PATJ: variants seen among roughly 807,000 people sequenced by gnomAD.
The protein encoded by PATJ is PATJ crumbs cell polarity complex component.
Under a neutral mutation model 224.9 loss-of-function variants are expected in PATJ, and 190 were observed. That is an observed-to-expected ratio of 0.84 (90% CI 0.75 to 0.95). The LOEUF is 0.95. Ranked by LOEUF, PATJ falls within the 40% of genes least tolerant of loss-of-function variation. The pLI, the probability that PATJ is intolerant of heterozygous loss-of-function variation, is 0.00. For synonymous variants in PATJ, 769 were observed against 820.3 expected (o/e 0.94, Z 1.07); for missense variants, 2,121 against 2,270.3 (o/e 0.93, Z 1.34).
intron 26 of PATJ, among the ~76,000 whole-genome samples, chr1:61,922,262 C>T (rs1020779307): frequency 2.0e-5 from 3 of 152,054 alleles, no homozygotes; most frequent in Non-Finnish European, 4.4e-5. Flanking sequence ...CCAGGCTGGT[C>T]TTGAACTCCT....
At chr1:61,878,379 G>A (rs1399323001) in intron 21 of PATJ, among the ~76,000 whole-genome samples, 2 of 152,110 alleles carry the variant, frequency 1.3e-5, no homozygotes, top group Non-Finnish European at 2.9e-5. Flanking sequence ...TGAGACTTCC[G>A]TTAATCCCAC....
At chr1:62,085,371 A>G (rs1659834783) in intron 33 of PATJ, among the ~76,000 whole-genome samples, 1 of 151,912 alleles carries the variant, frequency 6.6e-6, no homozygotes, top group Admixed American at 6.6e-5. Flanking sequence ...AAACAAACAA[A>G]AAACTTTCAT....
chr1:61,777,947 T>A (rs918209986), intron 7 of PATJ, among the ~76,000 whole-genome samples: 8 of 152,146 alleles, frequency 5.3e-5, no homozygotes, highest in African/African-American at 1.9e-4. Flanking sequence ...TGGTGCTATC[T>A]TGGCTGACTG....
chr1:61,748,684 T>C (rs1645159280), intron 1 of PATJ, among the ~76,000 whole-genome samples: 1 of 152,152 alleles, frequency 6.6e-6, no homozygotes, highest in Admixed American at 6.6e-5. Flanking sequence ...CACTAAAATC[T>C]CTGCTACAAT....
chr1:61,797,438 T>C lies in PATJ; in HGVS notation c.1402+10T>C, dbSNP rs1281225223. On this transcript the variant is annotated intron_variant, in intron 11 of 43. Transcript: ENST00000642238. ...CCACCTTCAGACAGAGGTGATTAAT[T>C]TGCCACCCCTCTATCCCTCAAGTAG... The C allele has an allele frequency of 1.2e-6, 2 of 1,606,122 alleles. No homozygotes were observed. The highest frequency in any genetic ancestry group is 1.7e-5 in the Admixed American group (1 of 59,812).
At chr1:62,130,650 G>A (rs1570729720) in intron 41 of PATJ, among the ~76,000 whole-genome samples, 1 of 151,810 alleles carries the variant, frequency 6.6e-6, no homozygotes, top group East Asian at 1.9e-4. Flanking sequence ...AAGAGATTGA[G>A]ACCATCCTGG....
intron 30 of PATJ, among the ~76,000 whole-genome samples, chr1:62,047,068 C>T (rs1019441565): frequency 2.0e-5 from 3 of 152,156 alleles, no homozygotes; most frequent in African/African-American, 4.8e-5. Flanking sequence ...AAAGGTTCCT[C>T]TAATTTATTT....
At chr1:62,160,547 TTCTA>T (rs1480882957) in intron 43 of PATJ, among the ~76,000 whole-genome samples, 5 of 152,208 alleles carry the variant, frequency 3.3e-5, no homozygotes, top group Non-Finnish European at 7.3e-5. Flanking sequence ...CCAGATTCAG[TTCTA>T]TCTGCCTTTT....
At chr1:62,028,843 A>G (rs1648576707) in intron 29 of PATJ, among the ~76,000 whole-genome samples, 1 of 151,758 alleles carries the variant, frequency 6.6e-6, no homozygotes, top group Non-Finnish European at 1.5e-5. Context: ...AGTCCCAGCT[A>G]TTCAGAAGGC....
chr1:62,128,242 C>T lies in PATJ; in HGVS notation c.5166+148C>T, dbSNP rs1045096929. 7 of 688,272 alleles carry T rather than the reference C, an allele frequency of 1.0e-5. No individual in the cohort carries two copies. The African/African-American group carries it at 1.1e-4, about 11-fold the overall frequency. The allele number at this position is 688,272 out of a possible 1,614,324, so 42.6% of individuals were successfully genotyped here. ...AAGATGCATTAGATAAACTTGATAC[C>T]TTTAGAAATTCATTAGGTCCCCAGG... On this transcript the variant is annotated intron_variant, in intron 40 of 43. Transcript: ENST00000642238.
intron 27 of PATJ, among the ~76,000 whole-genome samples, chr1:61,965,520 C>G (rs1398221041): frequency 1.3e-5 from 2 of 152,222 alleles, no homozygotes; most frequent in Non-Finnish European, 2.9e-5. Flanking sequence ...CTAACTCTCA[C>G]TCTCACTAAC....
chr1:62,020,869 A>C (rs1487792403), intron 29 of PATJ, among the ~76,000 whole-genome samples: 4 of 152,184 alleles, frequency 2.6e-5, no homozygotes, highest in African/African-American at 9.7e-5. Context: ...TCTGTCACCC[A>C]GGCTGGAGTG....
chr1:61,941,900 A>T (rs1235357138), intron 27 of PATJ, among the ~76,000 whole-genome samples: 1 of 152,230 alleles, frequency 6.6e-6, no homozygotes, highest in Non-Finnish European at 1.5e-5. Flanking sequence ...TACTTCAAGA[A>T]TGCTACTCTA....
rs756049362 is a variant in PATJ at position 62,148,338 on chromosome 1, A to G, written c.5326A>G (p.Thr1776Ala). 1.2e-6 allele frequency: 2 copies of G among 1,613,936 alleles called. No individual in the cohort carries two copies. Among genetic ancestry groups the G allele is most frequent in the Admixed American group, 1.7e-5 (1 of 59,970 alleles). The change falls in exon 42 of 44, where the codon ACA becomes GCA. Residue 1776 changes from threonine to alanine, a missense_variant. Transcript: ENST00000642238. ...AIAAQLENMSTGYHLGSPTAE... is the reference protein window; with the variant it reads ...AIAAQLENMSAGYHLGSPTAE... ...AGCAGCTCAGCTTGAAAACATGTCT[A>G]CAGGCTACCACCTTGGTTCGCCCAC...
chr1:61,854,213 A>T (rs1663279523), intron 17 of PATJ, among the ~76,000 whole-genome samples: 1 of 152,170 alleles, frequency 6.6e-6, no homozygotes. Flanking sequence ...CCCACAGAAA[A>T]CCTAGCAGTT....
At chr1:61,928,794 T>C (rs957735372) in intron 27 of PATJ, among the ~76,000 whole-genome samples, 6 of 149,528 alleles carry the variant, frequency 4.0e-5, no homozygotes, top group South Asian at 2.1e-4. Flanking sequence ...TAATAACGAA[T>C]ATATAAATAG....
At chr1:61,973,745 A>G (rs369771949) in intron 27 of PATJ, among the ~76,000 whole-genome samples, 35 of 152,108 alleles carry the variant, frequency 2.3e-4, no homozygotes, top group African/African-American at 7.7e-4. Context: ...CCTCCTGATA[A>G]TTAAAATATA....
Position 62,116,563 on chromosome 1 carries a change from G to A in PATJ, c.4687G>A (p.Val1563Met), listed in dbSNP as rs200722945. ...AAGCGGAGTGTTTATTTCTGACATCGTGAAAGGCGGAGCCGCAGACCTGGA... is the reference window on the plus strand; with the variant it reads ...AAGCGGAGTGTTTATTTCTGACATCATGAAAGGCGGAGCCGCAGACCTGGA... ...NGSGVFISDI[V>M]KGGAADLDGR... is the part of the protein sequence containing the mutation. Residue 1563 changes from valine (V) to methionine (M), a missense_variant, in exon 36 of 44, where the codon GTG becomes ATG. Coordinates refer to ENST00000642238, the MANE Select transcript of PATJ (RefSeq NM_001350145.3). The A allele has an allele frequency of 1.4e-4, 233 of 1,614,008 alleles. No homozygotes were observed. In the Middle Eastern group the frequency reaches 1.7e-3, roughly 11 times the overall value.
chr1:62,057,108 G>A (rs948841272), intron 31 of PATJ, among the ~76,000 whole-genome samples: 7 of 152,114 alleles, frequency 4.6e-5, no homozygotes, highest in Admixed American at 1.3e-4. Flanking sequence ...GATTACAGGC[G>A]TGAGCCACTG....
Sources: allele counts gnomAD v4.1 joint callset (sites outside exome capture counted in the v4.1 genomes callset), GRCh38; gene constraint gnomAD v4.1.1; transcripts MANE v1.5; gene names NCBI Gene and HGNC (gene_info 2026-07-23, HGNC 2026-07-21).